AGMO: variants seen among roughly 807,000 people sequenced by gnomAD.
AGMO encodes the protein alkylglycerol monooxygenase, also known as glyceryl-ether monooxygenase.
Under a neutral mutation model 60.2 loss-of-function variants are expected in AGMO, and 75 were observed. The ratio of observed to expected loss-of-function variants is 1.25; its 90% CI spans 1.03 to 1.51. The LOEUF (loss-of-function observed/expected upper bound fraction) is 1.51. Ranked by LOEUF, AGMO falls within the 40% of genes most tolerant of loss-of-function variation. The probability of loss-of-function intolerance (pLI) is 0.00; values close to 1 mark genes in which losing one functional copy is unlikely to be tolerated. For missense variants in AGMO, 763 were observed against 525.5 expected, an observed-to-expected ratio of 1.45 and a Z score of -4.42; for synonymous variants, 261 against 177.1, an observed-to-expected ratio of 1.47 and a Z score of -3.76.
chr7:15,474,607 T>C (rs1782543474), intron 3 of AGMO, among the ~76,000 whole-genome samples: 2 of 152,120 alleles, frequency 1.3e-5, no homozygotes, highest in African/African-American at 4.8e-5. Flanking sequence ...GAATAAAACC[T>C]AGGCAACACC....
At chr7:15,170,009 G>A in the AGMO span, among the ~76,000 whole-genome samples, 2 of 152,230 alleles carry the variant, frequency 1.3e-5, no homozygotes, top group African/African-American at 2.4e-5. Flanking sequence ...ACTGTGACTA[G>A]TTAGGGATGG....
chr7:15,228,896 G>T (rs1782168708), intron 12 of AGMO, among the ~76,000 whole-genome samples: 1 of 152,040 alleles, frequency 6.6e-6, no homozygotes, highest in Admixed American at 6.6e-5. Context: ...TTACGCAGTG[G>T]TCCAATCAAA....
intron 10 of AGMO, among the ~76,000 whole-genome samples, chr7:15,382,344 G>C (rs182378670): frequency 6.6e-6 from 1 of 151,986 alleles, no homozygotes; most frequent in Non-Finnish European, 1.5e-5. Flanking sequence ...AGGTATATAC[G>C]AGGAATGTGC....
chr7:15,558,390 T>C (rs144238771), intron 2 of AGMO, among the ~76,000 whole-genome samples: 100 of 152,150 alleles, frequency 6.6e-4, no homozygotes, highest in African/African-American at 2.0e-3. Flanking sequence ...TTATCAATAA[T>C]CTGATTTCCA....
chr7:15,373,006 A>G (rs1783279590), intron 10 of AGMO, among the ~76,000 whole-genome samples: 1 of 152,218 alleles, frequency 6.6e-6, no homozygotes, highest in African/African-American at 2.4e-5. Flanking sequence ...GCTCATGCCT[A>G]TAATCCCAGC....
chr7:15,362,279 T>C (rs1403605600), intron 12 of AGMO, among the ~76,000 whole-genome samples: 7 of 152,286 alleles, frequency 4.6e-5, no homozygotes, highest in Middle Eastern at 3.4e-3. Context: ...TTGTAATTTT[T>C]ACCATGTTTA....
the AGMO span, among the ~76,000 whole-genome samples, chr7:15,131,817 A>G: frequency 6.6e-6 from 1 of 151,650 alleles, no homozygotes; most frequent in Non-Finnish European, 1.5e-5. Flanking sequence ...TTCCTGGCAC[A>G]CATGGAAGCC....
intron 4 of AGMO, among the ~76,000 whole-genome samples, chr7:15,429,720 T>C (rs1781173959): frequency 6.6e-6 from 1 of 152,040 alleles, no homozygotes; most frequent in South Asian, 2.1e-4. Context: ...GGCTTATAGA[T>C]TTGTTTTGCC....
At chr7:15,441,612 A>G (rs931572126) in intron 3 of AGMO, among the ~76,000 whole-genome samples, 1 of 152,164 alleles carries the variant, frequency 6.6e-6, no homozygotes, top group Non-Finnish European at 1.5e-5. Flanking sequence ...CTTGATGTCA[A>G]TAGAGTTAGC....
chr7:15,332,839 T>C (rs1781539544), intron 12 of AGMO, among the ~76,000 whole-genome samples: 1 of 152,134 alleles, frequency 6.6e-6, no homozygotes, highest in Admixed American at 6.6e-5. Context: ...ATATTTAAAA[T>C]CCTACATTTT....
chr7:15,360,259 A>G (rs1189054347), intron 12 of AGMO, among the ~76,000 whole-genome samples: 1 of 152,218 alleles, frequency 6.6e-6, no homozygotes, highest in Non-Finnish European at 1.5e-5. Context: ...ACAAGCTTCA[A>G]AGGAAGTATT....
At chr7:15,310,506 T>C (rs1343885233) in intron 12 of AGMO, among the ~76,000 whole-genome samples, 1 of 152,134 alleles carries the variant, frequency 6.6e-6, no homozygotes, top group Non-Finnish European at 1.5e-5. Context: ...AATAATTGGA[T>C]CAGACAAAAA....
At chr7:15,317,907 GTATATATATATACACACACGTATA>G (rs1459769334) in intron 12 of AGMO, among the ~76,000 whole-genome samples, 1,637 of 120,644 alleles carry the variant, frequency 0.014, 34 homozygotes, top group African/African-American at 0.048. Context: ...ACACACACAC[GTATATATATATACACACACGTATA>G]TATATATATA....
intron 3 of AGMO, among the ~76,000 whole-genome samples, chr7:15,504,833 G>A (rs1161926750): frequency 6.6e-6 from 1 of 150,492 alleles, no homozygotes; most frequent in Non-Finnish European, 1.5e-5. Flanking sequence ...CTAGAAGAAT[G>A]TCCCTAATCT....
At position 15,558,268 on chromosome 7, in the gene AGMO, G is replaced by A. The variant is rs764815522; in HGVS notation, c.257+1873C>T. On this transcript the variant is annotated intron_variant, in intron 2 of 12. Transcript: ENST00000342526. ...AAATTCTGAAGAGTTCATTCAATTT[G>A]CTGTCAAATTCATTGTCAAAATGCT... is the stretch of plus-strand genomic sequence containing the variant. Among the ~76,000 whole-genome samples, 3 of 151,964 alleles carry A rather than the reference G, an allele frequency of 2.0e-5. No homozygotes were observed. In the South Asian group the frequency reaches 6.2e-4, roughly 32 times the overall value.
chr7:15,375,386 ATTTTTTTTTTTTTTT>A (rs71004377), intron 10 of AGMO, among the ~76,000 whole-genome samples: 2 of 109,452 alleles, frequency 1.8e-5, no homozygotes, highest in South Asian at 3.1e-4. Flanking sequence ...TTCTAAAAGG[ATTTTTTTTTTTTTTT>A]TTTTTTTTTT....
chr7:15,240,798 G>A (rs4332033), intron 12 of AGMO, among the ~76,000 whole-genome samples: 4 of 152,128 alleles, frequency 2.6e-5, no homozygotes, highest in African/African-American at 4.8e-5. Flanking sequence ...GCTCAGATCC[G>A]TATTAGAAGC....
intron 12 of AGMO, among the ~76,000 whole-genome samples, chr7:15,328,327 C>T (rs1373676159): frequency 6.6e-6 from 1 of 151,864 alleles, no homozygotes; most frequent in Non-Finnish European, 1.5e-5. Flanking sequence ...GAACTCCTGA[C>T]CTCAGGTGAT....
rs142006996 is a variant in AGMO, at chr7:15,312,705, CAG to C, written c.1263+52807_1263+52808del. Among the ~76,000 whole-genome samples, 897 of 152,022 alleles carry C rather than the reference CAG, an allele frequency of 5.9e-3. 9 individuals are homozygous for C. The highest frequency in any genetic ancestry group is 0.021 in the African/African-American group (852 of 41,442). Reference sequence around the variant, plus strand: ...AGAATTTTGTTTTTTCCCCCCGAGACAGAGTCTTGCTCTGTCGCCCAGGCTGG... The same window carrying C: ...AGAATTTTGTTTTTTCCCCCCGAGACAGTCTTGCTCTGTCGCCCAGGCTGG... On this transcript the variant is annotated intron_variant, in intron 12 of 12. Coordinates refer to ENST00000342526, the MANE Select transcript of AGMO (RefSeq NM_001004320.2).
Sources: allele counts gnomAD v4.1 joint callset (sites outside exome capture counted in the v4.1 genomes callset), GRCh38; gene constraint gnomAD v4.1.1; transcripts MANE v1.5; gene names NCBI Gene and HGNC (gene_info 2026-07-23, HGNC 2026-07-21).